Variants in UBE2E2 observed in about 807,000 individuals in gnomAD.
The protein encoded by UBE2E2 is ubiquitin-conjugating enzyme E2 E2.
In UBE2E2, 6 loss-of-function variants were observed where a neutral mutation model predicts 24.7. The ratio of observed to expected loss-of-function variants is 0.24; its 90% CI spans 0.13 to 0.48. UBE2E2 has a LOEUF of 0.48. Among genes scored for constraint, UBE2E2 ranks in the 20% least tolerant of loss-of-function variants. UBE2E2 has a pLI of 0.99. For missense variants in UBE2E2, 169 were observed against 245.0 expected, an observed-to-expected ratio of 0.69 and a Z score of 2.07; for synonymous variants, 104 against 83.6, an observed-to-expected ratio of 1.24 and a Z score of -1.33.
chr3:23,568,637 A>G (rs910569449), intron 5 of UBE2E2, among the ~76,000 whole-genome samples: 1 of 147,902 alleles, frequency 6.8e-6, no homozygotes, highest in South Asian at 2.1e-4. Flanking sequence ...ATATGTATAC[A>G]TATATACGCA....
At chr3:23,342,081 T>G (rs1316117298) in intron 3 of UBE2E2, among the ~76,000 whole-genome samples, 1 of 152,232 alleles carries the variant, frequency 6.6e-6, no homozygotes, top group African/African-American at 2.4e-5. Context: ...CAAATTCATT[T>G]AGGTTAGTTG....
chr3:23,204,673 T>A, intron 1 of UBE2E2: 1 of 984,692 alleles, frequency 1.0e-6, no homozygotes, highest in Non-Finnish European at 1.2e-6. Context: ...TACCCCATTC[T>A]CTTTCCCCTG....
chr3:23,347,380 A>C (rs1409298822), intron 3 of UBE2E2, among the ~76,000 whole-genome samples: 1 of 152,246 alleles, frequency 6.6e-6, no homozygotes, highest in Non-Finnish European at 1.5e-5. Context: ...GCCATAAAAA[A>C]GGATGAGTTC....
At chr3:23,447,389 A>G (rs1182866495) in intron 3 of UBE2E2, among the ~76,000 whole-genome samples, 6 of 152,084 alleles carry the variant, frequency 3.9e-5, no homozygotes, top group Admixed American at 3.9e-4. Context: ...ACATATTTTA[A>G]CCTTTCTGAT....
At chr3:23,571,055 C>T (rs143891988) in intron 5 of UBE2E2, among the ~76,000 whole-genome samples, 1 of 152,020 alleles carries the variant, frequency 6.6e-6, no homozygotes, top group East Asian at 1.9e-4. Context: ...TTTTTCCCAC[C>T]ATGCACATAG....
intron 3 of UBE2E2, among the ~76,000 whole-genome samples, chr3:23,227,309 A>G (rs1696853247): frequency 6.6e-6 from 1 of 152,092 alleles, no homozygotes; most frequent in African/African-American, 2.4e-5. Flanking sequence ...TCCCTCTTTT[A>G]TATCCATATC....
intron 5 of UBE2E2, among the ~76,000 whole-genome samples, chr3:23,578,315 G>A (rs1199659288): frequency 6.6e-6 from 1 of 152,172 alleles, no homozygotes; most frequent in East Asian, 1.9e-4. Context: ...AAAAAGGAAT[G>A]CATTTACACT....
intron 3 of UBE2E2, among the ~76,000 whole-genome samples, chr3:23,337,139 C>CAA (rs1053628403): frequency 8.1e-5 from 6 of 74,280 alleles, no homozygotes; most frequent in Non-Finnish European, 1.4e-4. Context: ...GAGCCTGTCT[C>CAA]AAAAAAAAAA....
intron 2 of UBE2E2, among the ~76,000 whole-genome samples, chr3:23,210,775 T>A (rs1372400474): frequency 6.6e-6 from 1 of 152,152 alleles, no homozygotes; most frequent in Non-Finnish European, 1.5e-5. Flanking sequence ...GCTGAAAGAA[T>A]CCCTCCATTG....
intron 3 of UBE2E2, among the ~76,000 whole-genome samples, chr3:23,489,435 A>G (rs749555916): frequency 6.6e-6 from 1 of 152,114 alleles, no homozygotes; most frequent in Non-Finnish European, 1.5e-5. Flanking sequence ...TAGGGTTTGC[A>G]TTCCTGTGAG....
chr3:23,293,100 T>G (rs1415285050), intron 3 of UBE2E2, among the ~76,000 whole-genome samples: 2 of 152,200 alleles, frequency 1.3e-5, no homozygotes, highest in Non-Finnish European at 2.9e-5. Flanking sequence ...TTATGTATCC[T>G]TTTTGTGGTG....
chr3:23,533,357 G>A (rs1301154805), intron 5 of UBE2E2, among the ~76,000 whole-genome samples: 1 of 151,758 alleles, frequency 6.6e-6, no homozygotes. Context: ...ATAGCTATAG[G>A]GTTTTCATTG....
chr3:23,439,514 T>A (rs61677732), intron 3 of UBE2E2, among the ~76,000 whole-genome samples: 1 of 152,194 alleles, frequency 6.6e-6, no homozygotes, highest in African/African-American at 2.4e-5. Context: ...AAGTGAGCCC[T>A]GGGGATGGCT....
rs528658502 is a variant in UBE2E2, at chr3:23,293,206, A to T, written c.227+75894A>T. Among the ~76,000 whole-genome samples the T allele has an allele frequency of 8.4e-4, 128 of 152,362 alleles. 2 individuals are homozygous for T. The highest frequency in any genetic ancestry group is 2.9e-3 in the African/African-American group (122 of 41,580). ...CATCCTAACGTTAGTCGTTGTGTGG[A>T]CAGCAACAGATTAAGTAAAAAGTTA... On this transcript the variant is annotated intron_variant, in intron 3 of 5. Coordinates refer to ENST00000396703, the MANE Select transcript of UBE2E2 (RefSeq NM_152653.4).
intron 4 of UBE2E2, among the ~76,000 whole-genome samples, chr3:23,500,774 A>T (rs1025018786): frequency 6.6e-6 from 1 of 152,156 alleles, no homozygotes; most frequent in African/African-American, 2.4e-5. Context: ...CCAAAGCAAA[A>T]AGTAGTAGCT....
At chr3:23,388,354 A>C (rs956532403) in intron 3 of UBE2E2, among the ~76,000 whole-genome samples, 1 of 152,192 alleles carries the variant, frequency 6.6e-6, no homozygotes, top group Non-Finnish European at 1.5e-5. Flanking sequence ...ATTTGGGGAT[A>C]TTCTCTCTGC....
chr3:23,549,801 G>A (rs1695603465), intron 5 of UBE2E2, among the ~76,000 whole-genome samples: 1 of 152,128 alleles, frequency 6.6e-6, no homozygotes. Context: ...GGAAGGCTGA[G>A]GTGGGTGGAT....
chr3:23,262,344 G>A (rs939487413), intron 3 of UBE2E2, among the ~76,000 whole-genome samples: 2 of 152,058 alleles, frequency 1.3e-5, no homozygotes, highest in African/African-American at 2.4e-5. Context: ...GAAGTGGCGC[G>A]ATCATAGCCC....
chr3:23,431,196 C>A (rs1164877634), intron 3 of UBE2E2, among the ~76,000 whole-genome samples: 2 of 152,192 alleles, frequency 1.3e-5, no homozygotes, highest in African/African-American at 4.8e-5. Flanking sequence ...GAAGTTTTCA[C>A]AGGCTTTGGT....
Sources: allele counts gnomAD v4.1 joint callset (sites outside exome capture counted in the v4.1 genomes callset), GRCh38; gene constraint gnomAD v4.1.1; transcripts MANE v1.5; gene names NCBI Gene and HGNC (gene_info 2026-07-23, HGNC 2026-07-21).